CFAP54: variants seen among roughly 807,000 people sequenced by gnomAD.
The protein encoded by CFAP54 is cilia- and flagella-associated protein 54.
CFAP54 carries 290 observed loss-of-function variants against 370.4 expected under a neutral mutation model. That is an observed-to-expected ratio of 0.78 (90% CI 0.71 to 0.86). The LOEUF (loss-of-function observed/expected upper bound fraction) is 0.86. Ranked by LOEUF, CFAP54 falls within the 40% of genes least tolerant of loss-of-function variation. The pLI is 0.00. For synonymous variants in CFAP54, 1,206 were observed against 1,236.5 expected (o/e 0.98, Z 0.52); for missense variants, 3,399 against 3,528.7 (o/e 0.96, Z 0.93).
intron 63 of CFAP54, among the ~76,000 whole-genome samples, chr12:96,795,818 A>G (rs1318305582): frequency 6.6e-6 from 1 of 151,976 alleles, no homozygotes; most frequent in South Asian, 2.1e-4. Flanking sequence ...GAAACTTTAT[A>G]TTTGGTTGAA....
chr12:96,562,669 G>A (rs954747741), intron 17 of CFAP54, among the ~76,000 whole-genome samples: 1 of 151,896 alleles, frequency 6.6e-6, no homozygotes, highest in African/African-American at 2.4e-5. Flanking sequence ...GACCTCAAAC[G>A]ATCTGCCCAC....
At chr12:96,502,396 TAAAA>T (rs535053383) in intron 2 of CFAP54, among the ~76,000 whole-genome samples, 1 of 68,596 alleles carries the variant, frequency 1.5e-5, no homozygotes, top group Non-Finnish European at 2.6e-5. Flanking sequence ...ACACTGTCCC[TAAAA>T]AAAAAAAAAA....
intron 60 of CFAP54, among the ~76,000 whole-genome samples, chr12:96,780,639 C>T (rs755019647): frequency 6.6e-6 from 1 of 152,058 alleles, no homozygotes; most frequent in African/African-American, 2.4e-5. Context: ...GATTGAACAG[C>T]GATCAGTTCA....
At chr12:96,738,152 T>G (rs1001868973) in intron 50 of CFAP54, among the ~76,000 whole-genome samples, 23 of 152,016 alleles carry the variant, frequency 1.5e-4, no homozygotes, top group African/African-American at 5.6e-4. Context: ...GGAGCCCTAT[T>G]TGGAAGGTGA....
chr12:96,612,156 C>T (rs542622856), intron 26 of CFAP54, among the ~76,000 whole-genome samples: 44 of 152,286 alleles, frequency 2.9e-4, no homozygotes, highest in Non-Finnish European at 4.7e-4. Flanking sequence ...GGGTTACCCA[C>T]AAAGGGAAGC....
intron 26 of CFAP54, among the ~76,000 whole-genome samples, chr12:96,615,936 A>T (rs1372683777): frequency 3.9e-5 from 6 of 152,248 alleles, no homozygotes; most frequent in Non-Finnish European, 5.9e-5. Flanking sequence ...TAGTTCAACC[A>T]TTGTGGAAGA....
intron 39 of CFAP54, among the ~76,000 whole-genome samples, chr12:96,678,046 G>T (rs184012769): frequency 3.3e-5 from 5 of 152,150 alleles, no homozygotes; most frequent in Non-Finnish European, 4.4e-5. Flanking sequence ...TTGTCCTTTG[G>T]TGAATCATCT....
At chr12:96,836,038 C>T (rs1341884970) in intron 66 of CFAP54, among the ~76,000 whole-genome samples, 3 of 152,154 alleles carry the variant, frequency 2.0e-5, no homozygotes, top group African/African-American at 7.2e-5. Context: ...AAGATAGCCA[C>T]AGCACAAGTA....
chr12:96,607,138 C>G (rs1956309896), intron 26 of CFAP54, among the ~76,000 whole-genome samples: 1 of 152,178 alleles, frequency 6.6e-6, no homozygotes. Context: ...CCATTGCTCA[C>G]TGACTTACCA....
intron 50 of CFAP54, among the ~76,000 whole-genome samples, chr12:96,732,638 C>T (rs1311829248): frequency 1.3e-5 from 2 of 152,036 alleles, no homozygotes; most frequent in East Asian, 3.8e-4. Context: ...TGGCAAATGT[C>T]GACGGAGCTC....
At chr12:96,614,482 C>G (rs1347071983) in intron 26 of CFAP54, among the ~76,000 whole-genome samples, 1 of 152,218 alleles carries the variant, frequency 6.6e-6, no homozygotes, top group African/African-American at 2.4e-5. Context: ...CTCACCACAC[C>G]TATTCAACAT....
chr12:96,667,553 C>A (rs1423531824), intron 39 of CFAP54, among the ~76,000 whole-genome samples: 1 of 152,202 alleles, frequency 6.6e-6, no homozygotes, highest in Non-Finnish European at 1.5e-5. Flanking sequence ...TACCTTAACC[C>A]CTTCTAGCTA....
intron 15 of CFAP54, among the ~76,000 whole-genome samples, chr12:96,550,901 G>A (rs549321441): frequency 2.0e-5 from 3 of 152,300 alleles, no homozygotes; most frequent in Admixed American, 2.0e-4. Context: ...CATGAAAGAT[G>A]GGGGTTGGAA....
Position 96,753,918 on chromosome 12 carries a change from A to G in CFAP54, c.7840+20A>G, listed in dbSNP as rs1033702102. On this transcript the variant is annotated intron_variant, in intron 56 of 67. Transcript: ENST00000524981. ...AGAAAGGTAAAATGCATCTGGGGTC[A>G]GAACTATGATAAAATTTATGGAATT... The G allele has an allele frequency of 1.1e-5, 17 of 1,601,886 alleles. No homozygotes were observed. Among genetic ancestry groups the G allele is most frequent in the Non-Finnish European group, 1.4e-5 (17 of 1,172,746 alleles).
At chr12:96,705,136 G>C (rs183847209) in intron 47 of CFAP54, among the ~76,000 whole-genome samples, 1 of 152,264 alleles carries the variant, frequency 6.6e-6, no homozygotes, top group Admixed American at 6.5e-5. Context: ...CATTGTTAAA[G>C]GGGGCTATGA....
In CFAP54 at chr12:96,710,300, C is replaced by T. The variant is rs545671007; in HGVS notation, c.6724+1497C>T. Reference sequence around the variant, plus strand: ...AAGGGAACACAGGAGAGCTTGGCTGCGTCTCAGGAGGCAGAGGGCAGTGCA... The same window carrying T: ...AAGGGAACACAGGAGAGCTTGGCTGTGTCTCAGGAGGCAGAGGGCAGTGCA... On this transcript the variant is annotated intron_variant, in intron 48 of 67. Coordinates refer to ENST00000524981, the MANE Select transcript of CFAP54 (RefSeq NM_001306084.2). Among the ~76,000 whole-genome samples, 6 of 152,248 alleles carry T rather than the reference C, an allele frequency of 3.9e-5. 1 individual carries two copies. Among genetic ancestry groups the T allele is most frequent in the African/African-American group, 1.2e-4 (5 of 41,546 alleles).
intron 14 of CFAP54, among the ~76,000 whole-genome samples, chr12:96,544,922 T>C (rs1955621553): frequency 1.3e-5 from 2 of 151,884 alleles, no homozygotes; most frequent in South Asian, 4.2e-4. Context: ...TTTTTTTTTT[T>C]TCCCTTTGAG....
chr12:96,586,282 A>C (rs754120397), intron 22 of CFAP54, among the ~76,000 whole-genome samples: 3 of 152,140 alleles, frequency 2.0e-5, no homozygotes, highest in Non-Finnish European at 2.9e-5. Flanking sequence ...CAGGGACCAT[A>C]CTTTGAGAAC....
chr12:96,816,430 A>G (rs1958975353), intron 64 of CFAP54, among the ~76,000 whole-genome samples: 1 of 152,210 alleles, frequency 6.6e-6, no homozygotes. Flanking sequence ...AACTTTAACA[A>G]CAAATCTTTG....
Sources: allele counts gnomAD v4.1 joint callset (sites outside exome capture counted in the v4.1 genomes callset), GRCh38; gene constraint gnomAD v4.1.1; transcripts MANE v1.5; gene names NCBI Gene and HGNC (gene_info 2026-07-23, HGNC 2026-07-21).